The following TASOR2 variants were observed in gnomAD, a reference collection of about 807,000 sequenced individuals.
The protein encoded by TASOR2 is protein TASOR 2.
Under a neutral mutation model 199.5 loss-of-function variants are expected in TASOR2, and 84 were observed. The observed-to-expected ratio is 0.42, with a 90% CI of 0.35 to 0.50. The LOEUF (loss-of-function observed/expected upper bound fraction) is 0.50, where lower values mean the gene tolerates loss of function less well. TASOR2 is among the 20% of genes least tolerant of loss of function. The probability of loss-of-function intolerance (pLI) is 0.02; values close to 1 mark genes in which losing one functional copy is unlikely to be tolerated. For missense variants in TASOR2, 2,796 were observed against 2,835.9 expected (o/e 0.99, Z 0.32); for synonymous variants, 1,103 against 1,046.6 (o/e 1.05, Z -1.04).
Position 5,761,280 on chromosome 10 carries a change from T to C in TASOR2, c.6993-10T>C, listed in dbSNP as rs1839788306. On this transcript the variant is annotated splice_polypyrimidine_tract_variant and intron_variant, in intron 18 of 20. Coordinates refer to ENST00000328090, the Ensembl canonical transcript of TASOR2. ...AAAAATATTTTAATATGCCTATGTA[T>C]CTTTCACAGAGTGGATTCAACTGCA... 1.0e-5 allele frequency: 16 copies of C among 1,607,568 alleles called. No homozygotes were observed. Among genetic ancestry groups the C allele is most frequent in the Non-Finnish European group, 1.4e-5 (16 of 1,176,658 alleles).
rs1024915694 is a variant in TASOR2 at position 5,687,914 on chromosome 10, A to T, written c.-288+2739A>T. 1.3e-5 allele frequency among the ~76,000 whole-genome samples: 2 copies of T among 152,220 alleles called. No individual in the cohort carries two copies. Among genetic ancestry groups the T allele is most frequent in the African/African-American group, 4.8e-5 (2 of 41,476 alleles). On this transcript the variant is annotated intron_variant, in intron 1 of 20. Coordinates refer to ENST00000328090, the Ensembl canonical transcript of TASOR2. The surrounding 1 kb of genome is among the most constrained non-coding windows in gnomAD (Gnocchi z 4.8). ...ATTAAAACTGATAAATTTGAAATGT[A>T]TGTTTATTTATTGGTACCTTTAAAT...
intron 18 of TASOR2, chr10:5,760,799 A>G (rs1839697079): frequency 6.6e-6 from 1 of 152,552 alleles, no homozygotes; most frequent in Admixed American, 6.5e-5. Flanking sequence ...TGAAAACTAG[A>G]GAGACGGGAG....
chr10:5,746,878 T>G lies in TASOR2; in HGVS notation c.3457T>G (p.Ser1153Ala), dbSNP rs764825455. The change falls in exon 15 of 21, where the codon TCT becomes GCT. Residue 1153 changes from serine to alanine, a missense_variant. This residue lies in a region of TASOR2 where 1,941 missense variants were observed against 1,924.9 expected (regional missense o/e 1.01). Transcript: ENST00000328090. ...GACGCCCCTTCCAGTCTCTCTACCA[T>G]CTGATAAAACAATGGTCATGGAGGC... 14 of 1,614,070 alleles carry G rather than the reference T, an allele frequency of 8.7e-6. No homozygotes were observed. The South Asian group carries it at 1.4e-4, about 16-fold the overall frequency.
At position 5,706,542 on chromosome 10, in the gene TASOR2, A is replaced by T. The variant is rs537133151; in HGVS notation, c.-287-6281A>T. ...CTGCTCAAAACAGACAAAATCTTTGATCTATCTTTATCCAGAGGATATTGT... is the reference window on the plus strand; with the variant it reads ...CTGCTCAAAACAGACAAAATCTTTGTTCTATCTTTATCCAGAGGATATTGT... On this transcript the variant is annotated intron_variant, in intron 1 of 20. Coordinates refer to ENST00000328090, the Ensembl canonical transcript of TASOR2. The surrounding 1 kb of genome is among the most constrained non-coding windows in gnomAD (Gnocchi z 4.8). Among the ~76,000 whole-genome samples, 286 of 152,330 alleles carry T rather than the reference A, an allele frequency of 1.9e-3. 1 individual carries two copies. Among genetic ancestry groups the T allele is most frequent in the African/African-American group, 6.4e-3 (266 of 41,570 alleles).
chr10:5,736,158 C>T (rs148175378), intron 12 of TASOR2, among the ~76,000 whole-genome samples: 18 of 152,160 alleles, frequency 1.2e-4, no homozygotes, highest in African/African-American at 4.3e-4. Context: ...CGGTGTCTCA[C>T]GCCTGTAATC....
intron 18 of TASOR2, among the ~76,000 whole-genome samples, chr10:5,759,458 T>C (rs1934733051): frequency 6.6e-6 from 1 of 152,198 alleles, no homozygotes; most frequent in Non-Finnish European, 1.5e-5. Context: ...AAAAAATACA[T>C]GTTTGATTCC....
At chr10:5,695,183 T>C (rs1031998559) in intron 1 of TASOR2, among the ~76,000 whole-genome samples, 2 of 152,242 alleles carry the variant, frequency 1.3e-5, no homozygotes, top group Non-Finnish European at 2.9e-5. Context: ...CTAAACACTA[T>C]GTGCTAGGAA....
chr10:5,708,544 C>CTCTT (rs1191239221), intron 1 of TASOR2, among the ~76,000 whole-genome samples: 1 of 149,258 alleles, frequency 6.7e-6, no homozygotes, highest in African/African-American at 2.5e-5. Flanking sequence ...TCCTTTCTTT[C>CTCTT]TCTTTCTTTC....
At chr10:5,715,365 C>T (rs1832492048) in intron 2 of TASOR2, among the ~76,000 whole-genome samples, 1 of 152,048 alleles carries the variant, frequency 6.6e-6, no homozygotes, top group Non-Finnish European at 1.5e-5. Context: ...AAAGAAATCC[C>T]ATGGCCATTA....
chr10:5,753,217 C>T lies in TASOR2; in HGVS notation c.6606+3190C>T, dbSNP rs777994706. 4.6e-5 allele frequency among the ~76,000 whole-genome samples: 7 copies of T among 152,326 alleles called. No individual in the cohort carries two copies. In the East Asian group the frequency reaches 1.3e-3, roughly 29 times the overall value. ...TGAAACTCCATTGTTGCTAGAGTCA[C>T]AGCTCTGTTCTGCAAGGTGGCTCCT... On this transcript the variant is annotated intron_variant, in intron 15 of 20. Coordinates refer to ENST00000328090, the Ensembl canonical transcript of TASOR2.
intron 8 of TASOR2, among the ~76,000 whole-genome samples, chr10:5,726,370 G>A (rs1374348681): frequency 6.6e-6 from 1 of 152,140 alleles, no homozygotes; most frequent in Non-Finnish European, 1.5e-5. Flanking sequence ...ATTTCTTGTT[G>A]CCCTGGAACT....
rs148281813 is a variant in TASOR2, at chr10:5,710,877, T to C, written c.-287-1946T>C. On this transcript the variant is annotated intron_variant, in intron 1 of 20. Coordinates refer to ENST00000328090, the Ensembl canonical transcript of TASOR2. The surrounding 1 kb of genome is among the most constrained non-coding windows in gnomAD (Gnocchi z 4.6). ...GTTTCTAAAGAAATCTTGATTTGTG[T>C]TTAGGCTAGCAGTACAGATTATTTG... Among the ~76,000 whole-genome samples the C allele has an allele frequency of 2.0e-5, 3 of 152,222 alleles. No homozygotes were observed. Among genetic ancestry groups the C allele is most frequent in the Admixed American group, 6.5e-5 (1 of 15,288 alleles).
At chr10:5,711,601 A>C (rs949251050) in intron 1 of TASOR2, among the ~76,000 whole-genome samples, 1 of 152,148 alleles carries the variant, frequency 6.6e-6, no homozygotes, top group Non-Finnish European at 1.5e-5. Flanking sequence ...TTCTTGCTAA[A>C]GTAGAGACTT....
Position 5,701,251 on chromosome 10 carries a change from T to C in TASOR2, c.-287-11572T>C, listed in dbSNP as rs1279247869. On this transcript the variant is annotated intron_variant, in intron 1 of 20. Coordinates refer to ENST00000328090, the Ensembl canonical transcript of TASOR2. This position sits in a 1 kb window ranked among gnomAD's most constrained non-coding sequence, Gnocchi z 4.9. ...TATCAAAGAGACTGTCCTTTTCCCATTGTATGTTTTAGCTCCTTTGTCGAT... is the reference window on the plus strand; with the variant it reads ...TATCAAAGAGACTGTCCTTTTCCCACTGTATGTTTTAGCTCCTTTGTCGAT... Among the ~76,000 whole-genome samples, 3 of 152,168 alleles carry C rather than the reference T, an allele frequency of 2.0e-5. No individual in the cohort carries two copies. The highest frequency in any genetic ancestry group is 4.4e-5 in the Non-Finnish European group (3 of 68,012).
intron 12 of TASOR2, among the ~76,000 whole-genome samples, chr10:5,736,629 G>T (rs1481952832): frequency 6.6e-5 from 10 of 152,142 alleles, no homozygotes; most frequent in Admixed American, 5.9e-4. Flanking sequence ...CTTAAGTAAA[G>T]AATCAAGTTT....
chr10:5,708,768 C>T (rs1297795961), intron 1 of TASOR2, among the ~76,000 whole-genome samples: 1 of 151,788 alleles, frequency 6.6e-6, no homozygotes, highest in African/African-American at 2.4e-5. Context: ...GGGGTGCAAT[C>T]TCAGCTCACT....
At chr10:5,728,919 A>T (rs1289315082) in intron 10 of TASOR2, among the ~76,000 whole-genome samples, 1 of 150,426 alleles carries the variant, frequency 6.6e-6, no homozygotes, top group African/African-American at 2.5e-5. Context: ...ATTTTATTTT[A>T]TTTTTGTTTT....
Position 5,742,483 on chromosome 10 carries a change from A to G in TASOR2, c.2714A>G (p.Asp905Gly). ...ACTTTTGCAAGAGAGTGTGATCCAG[A>G]CACCCAAGAAGACCAGAATTTCATC... Residue 905 changes from aspartate (D) to glycine (G), a missense_variant, in exon 14 of 21, where the codon GAC (aspartate) becomes GGC (glycine). By Grantham distance (94) the Asp-to-Gly change is moderately conservative. Around this residue, in one of 3 missense-constraint regions of TASOR2, gnomAD observed 1,941 missense variants for 1,924.9 expected, o/e 1.01. Transcript: ENST00000328090. This position sits in a 1 kb window ranked among gnomAD's most constrained non-coding sequence, Gnocchi z 4.2. 1.9e-6 allele frequency: 3 copies of G among 1,613,976 alleles called. No homozygotes were observed. The highest frequency in any genetic ancestry group is 2.5e-6 in the Non-Finnish European group (3 of 1,180,014).
chr10:5,710,790 A>G lies in TASOR2; in HGVS notation c.-287-2033A>G, dbSNP rs1831809832. Among the ~76,000 whole-genome samples the G allele has an allele frequency of 1.3e-5, 2 of 152,094 alleles. No homozygotes were observed. On this transcript the variant is annotated intron_variant, in intron 1 of 20. Transcript: ENST00000328090. This position sits in a 1 kb window ranked among gnomAD's most constrained non-coding sequence, Gnocchi z 4.6. ...TTTCTCAAATATTGGTCTATAGGTAATTCAATTTTGAAACTTTCTTGCTTT... is the reference window on the plus strand; with the variant it reads ...TTTCTCAAATATTGGTCTATAGGTAGTTCAATTTTGAAACTTTCTTGCTTT...
Sources: gnomAD v4.1 joint callset for allele counts (sites outside exome capture counted in the v4.1 genomes callset) on GRCh38, gnomAD v4.1.1 for gene constraint, gnomAD v4.1.1 regional missense constraint, Gnocchi (gnomAD v3.1) non-coding constraint, MANE v1.5 for transcripts, NCBI Gene and HGNC (gene_info 2026-07-23, HGNC 2026-07-21) for gene names.